The following ZC3H13 variants were observed in gnomAD, a reference collection of about 807,000 sequenced individuals.
ZC3H13 encodes zinc finger CCCH-type containing 13.
ZC3H13 carries 64 observed loss-of-function variants against 204.1 expected under a neutral mutation model. That is an observed-to-expected ratio of 0.31 (90% confidence interval 0.26 to 0.39). The LOEUF (loss-of-function observed/expected upper bound fraction) is 0.39, where lower values mean the gene tolerates loss of function less well. Among genes scored for constraint, ZC3H13 ranks in the 10% least tolerant of loss-of-function variants. ZC3H13 has a pLI of 1.00. For missense variants in ZC3H13, 1,833 were observed against 2,082.7 expected, an observed-to-expected ratio of 0.88 and a Z score of 2.33; for synonymous variants, 667 against 693.7, an observed-to-expected ratio of 0.96 and a Z score of 0.60.
chr13:45,996,407 T>A lies in ZC3H13; in HGVS notation c.944+6732A>T, dbSNP rs535871712. ...CAATTTACAGGAAAAAAAATTAGTT[T>A]GTTGGGTTCCCACTACAATAGGCCC... On this transcript the variant is annotated intron_variant, in intron 8 of 18. Coordinates refer to ENST00000679008, the MANE Select transcript of ZC3H13 (RefSeq NM_001330564.2). Among the ~76,000 whole-genome samples the A allele has an allele frequency of 7.2e-5, 11 of 152,326 alleles. No homozygotes were observed. The South Asian group carries it at 2.1e-3, about 29-fold the overall frequency.
At chr13:45,963,671 A>G in intron 17 of ZC3H13, 171 bp downstream of exon 17, 4 of 1,443,200 alleles carry the variant, frequency 2.8e-6, no homozygotes, top group Non-Finnish European at 3.6e-6. Context: ...CTCAAAATAA[A>G]TTTTAAAGAG....
intron 14 of ZC3H13, 70 bp downstream of exon 14, chr13:45,968,678 T>G: frequency 6.7e-7 from 1 of 1,496,320 alleles, no homozygotes; most frequent in South Asian, 1.4e-5. Flanking sequence ...AGCATTACTT[T>G]AGAATTAAAA....
intron 12 of ZC3H13, among the ~76,000 whole-genome samples, chr13:45,973,742 T>C (rs2137984390): frequency 6.6e-6 from 1 of 152,064 alleles, no homozygotes; most frequent in South Asian, 2.1e-4. Context: ...TTTCAGAATT[T>C]TAATCTTAGA....
At chr13:46,034,263 T>C (rs1266834640) in intron 4 of ZC3H13, among the ~76,000 whole-genome samples, 3 of 152,154 alleles carry the variant, frequency 2.0e-5, no homozygotes, top group African/African-American at 7.2e-5. Context: ...GTTAAAAATA[T>C]ACATAAGACA....
intron 4 of ZC3H13, among the ~76,000 whole-genome samples, chr13:46,025,132 A>G (rs1335494811): frequency 6.6e-6 from 1 of 152,216 alleles, no homozygotes; most frequent in African/African-American, 2.4e-5. Flanking sequence ...ATATTCACTT[A>G]TAAACATCTA....
At chr13:46,000,000 T>C (rs1408371007) in intron 8 of ZC3H13, among the ~76,000 whole-genome samples, 2 of 152,220 alleles carry the variant, frequency 1.3e-5, no homozygotes, top group Non-Finnish European at 2.9e-5. Context: ...TTCTGAGCAA[T>C]AGGTCTCAAT....
At chr13:46,008,603 A>G (rs2041323171) in intron 7 of ZC3H13, among the ~76,000 whole-genome samples, 1 of 152,162 alleles carries the variant, frequency 6.6e-6, no homozygotes, top group Admixed American at 6.5e-5. Context: ...CTTTCTATGA[A>G]AAGATTAAGT....
chr13:45,967,756 T>C lies in ZC3H13; in HGVS notation c.4069A>G (p.Arg1357Gly). The C allele has an allele frequency of 6.2e-7, 1 of 1,612,572 alleles. No homozygotes were observed. The highest frequency in any genetic ancestry group is 8.5e-7 in the Non-Finnish European group (1 of 1,179,218). Residue 1357 changes from arginine to glycine, a missense_variant, in exon 15 of 19, where the codon AGG becomes GGG. Physicochemically the swap from Arg to Gly is moderately radical, Grantham distance 125. Coordinates refer to ENST00000679008, the MANE Select transcript of ZC3H13 (RefSeq NM_001330564.2). ...TCAGAAATTAGTCTCTCTCTTTCCC[T>C]ATCCAAGTCTCTCCTTTTGTCTCGT... is the stretch of plus-strand genomic sequence containing the variant. ...RERDKRRDLDRERERLISDSV... is the reference protein window; with the variant it reads ...RERDKRRDLDGERERLISDSV...
intron 8 of ZC3H13, among the ~76,000 whole-genome samples, chr13:45,993,853 T>C (rs1422780350): frequency 6.6e-6 from 1 of 152,162 alleles, no homozygotes; most frequent in Non-Finnish European, 1.5e-5. Flanking sequence ...CCTCCATAAA[T>C]ACATAATGAT....
chr13:46,023,196 AT>A (rs1198324877), intron 4 of ZC3H13, among the ~76,000 whole-genome samples: 1 of 152,086 alleles, frequency 6.6e-6, no homozygotes, highest in Admixed American at 6.5e-5. Context: ...ATGCAGAACA[AT>A]TTTCCACAAT....
chr13:46,022,408 C>T (rs2042272136), intron 4 of ZC3H13, among the ~76,000 whole-genome samples: 1 of 151,872 alleles, frequency 6.6e-6, no homozygotes, highest in East Asian at 1.9e-4. Context: ...CAATGTGTAA[C>T]TTGTTTAGGT....
intron 16 of ZC3H13, 49 bp from the exon 17 acceptor site, chr13:45,964,091 T>A (rs933480446): frequency 3.3e-6 from 5 of 1,519,826 alleles, no homozygotes; most frequent in Non-Finnish European, 4.5e-6. Flanking sequence ...GAAATAGCAG[T>A]CTTGTTATCT....
chr13:46,034,359 T>C (rs997786755), intron 4 of ZC3H13, among the ~76,000 whole-genome samples: 1 of 152,206 alleles, frequency 6.6e-6, no homozygotes, highest in African/African-American at 2.4e-5. Context: ...TTATTCTTAA[T>C]AGGTGAAAAC....
chr13:46,029,356 A>T (rs1334365215), intron 4 of ZC3H13, among the ~76,000 whole-genome samples: 1 of 152,098 alleles, frequency 6.6e-6, no homozygotes, highest in African/African-American at 2.4e-5. Flanking sequence ...GGTAAAGTCT[A>T]CCAAATATTT....
intron 18 of ZC3H13, among the ~76,000 whole-genome samples, chr13:45,958,544 G>A (rs975047340): frequency 6.6e-6 from 1 of 151,998 alleles, no homozygotes; most frequent in African/African-American, 2.4e-5. Flanking sequence ...TCTCCAAAGA[G>A]CATTTCCTTT....
chr13:46,016,723 C>G (rs898999638), intron 5 of ZC3H13, among the ~76,000 whole-genome samples: 2 of 152,032 alleles, frequency 1.3e-5, no homozygotes, highest in African/African-American at 4.8e-5. Context: ...TTCCTCTGAA[C>G]GTATAGTATA....
intron 4 of ZC3H13, among the ~76,000 whole-genome samples, chr13:46,027,732 T>C (rs1431557179): frequency 6.6e-6 from 1 of 152,170 alleles, no homozygotes; most frequent in Non-Finnish European, 1.5e-5. Context: ...TATAGTGCTG[T>C]TTCAAAGCAG....
At chr13:45,957,788 T>G (rs1360144260) in intron 18 of ZC3H13, among the ~76,000 whole-genome samples, 1 of 152,222 alleles carries the variant, frequency 6.6e-6, no homozygotes, top group Admixed American at 6.5e-5. Context: ...CATTCTATTC[T>G]ATACTCCTTA....
intron 15 of ZC3H13, among the ~76,000 whole-genome samples, chr13:45,966,060 G>C (rs1474745118): frequency 6.6e-6 from 1 of 151,962 alleles, no homozygotes; most frequent in African/African-American, 2.4e-5. Context: ...AAATAACTTT[G>C]TTAGTTCCAC....
Sources: allele counts gnomAD v4.1 joint callset (sites outside exome capture counted in the v4.1 genomes callset), GRCh38; gene constraint gnomAD v4.1.1; transcripts MANE v1.5; gene names NCBI Gene and HGNC (gene_info 2026-07-23, HGNC 2026-07-21).